Variants in ESRRA observed in about 807,000 individuals in gnomAD.
ESRRA encodes estrogen related receptor alpha, also known as steroid hormone receptor ERR1.
Under a neutral mutation model 35.6 loss-of-function variants are expected in ESRRA, and 7 were observed. The ratio of observed to expected loss-of-function variants is 0.20; its 90% CI spans 0.11 to 0.37. The LOEUF (loss-of-function observed/expected upper bound fraction) is 0.37. Ranked by LOEUF, ESRRA falls within the 10% of genes least tolerant of loss-of-function variation. ESRRA has a pLI of 1.00. For missense variants in ESRRA, 378 were observed against 561.7 expected, an observed-to-expected ratio of 0.67 and a Z score of 3.31; for synonymous variants, 223 against 246.9, an observed-to-expected ratio of 0.90 and a Z score of 0.91.
chr11:64,307,041 C>G (rs1283602209), intron 1 of ESRRA, 127 bp from the exon 2 acceptor site: 13 of 700,920 alleles, frequency 1.9e-5, no homozygotes, highest in African/African-American at 9.0e-5. Context: ...ACTCTGCCCC[C>G]CTTCTTCCCC....
Position 64,314,311 on chromosome 11 carries a change from T to C in ESRRA, c.515T>C (p.Phe172Ser). ...CGGCCGGAGGTGGACCCACTGCCCTTCCCGGGCCCCTTCCCTGCTGGGCCC... is the reference window on the plus strand; with the variant it reads ...CGGCCGGAGGTGGACCCACTGCCCTCCCCGGGCCCCTTCCCTGCTGGGCCC... ...KRRPEVDPLP[F>S]PGPFPAGPLA... The change falls in exon 4 of 7, where the codon TTC (phenylalanine) becomes TCC (serine). Residue 172 changes from phenylalanine (F) to serine (S), a missense_variant. Around this residue, in one of 4 missense-constraint regions of ESRRA, gnomAD observed 284 missense variants for 411.7 expected, o/e 0.69. Coordinates refer to ENST00000000442, the MANE Select transcript of ESRRA (RefSeq NM_004451.5). 6.2e-7 allele frequency: 1 copy of C among 1,609,132 alleles called. No individual in the cohort carries two copies. Among genetic ancestry groups the C allele is most frequent in the South Asian group, 1.1e-5 (1 of 90,210 alleles).
At chr11:64,314,460 CG>C in intron 4 of ESRRA, 93 bp downstream of exon 4, 1 of 1,359,220 alleles carries the variant, frequency 7.4e-7, no homozygotes, top group Non-Finnish European at 9.8e-7. Context: ...ATTTCCCCTT[CG>C]TCTCTTCACT....
chr11:64,307,607 A>G, intron 2 of ESRRA, 103 bp downstream of exon 2: 1 of 872,196 alleles, frequency 1.1e-6, no homozygotes, highest in Non-Finnish European at 1.6e-6. Flanking sequence ...TGAGGCTAAC[A>G]ATCTGGTGTT....
intron 2 of ESRRA, 118 bp downstream of exon 2, chr11:64,307,622 G>C: frequency 5.5e-6 from 4 of 726,874 alleles, no homozygotes; most frequent in Non-Finnish European, 8.3e-6. Flanking sequence ...GGTGTTTCCA[G>C]TCCCTCTACC....
In ESRRA at chr11:64,315,002, C is replaced by T; in HGVS notation, c.744C>T (p.Gly248=). The change falls in exon 6 of 7, where the codon GGC becomes GGT. Residue 248 remains glycine (G), a splice_region_variant and synonymous_variant. Coordinates refer to ENST00000000442, the MANE Select transcript of ESRRA (RefSeq NM_004451.5). The part of the protein sequence containing the change: ...VTISWAKSIP[G]FSSLSLSDQM... ...GGCCCGCTCCCCGCTGCCCCCTAGGCTTCTCATCGCTGTCGCTGTCTGACC... is the reference window on the plus strand; with the variant it reads ...GGCCCGCTCCCCGCTGCCCCCTAGGTTTCTCATCGCTGTCGCTGTCTGACC... The T allele has an allele frequency of 1.3e-6, 2 of 1,590,096 alleles. No individual in the cohort carries two copies. Among genetic ancestry groups the T allele is most frequent in the Non-Finnish European group, 1.7e-6 (2 of 1,167,848 alleles).
chr11:64,316,652 A>T lies in ESRRA; in HGVS notation c.*686A>T. 1.8e-6 allele frequency: 1 copy of T among 570,964 alleles called. No individual in the cohort carries two copies. The highest frequency in any genetic ancestry group is 2.1e-5 in the South Asian group (1 of 46,924). 35.4% of individuals were successfully genotyped at this position (570,964 alleles called of 1,614,324 possible). A position where few individuals can be genotyped will look rare whatever the true frequency, so the allele number is the denominator to read the frequency against. Reference sequence around the variant, plus strand: ...GCCCAGAGCCCTTGGCTGTACAGAGACTCTATTTTAATGTATATTTGCTGC... The same window carrying T: ...GCCCAGAGCCCTTGGCTGTACAGAGTCTCTATTTTAATGTATATTTGCTGC... On this transcript the variant is annotated 3_prime_UTR_variant, in exon 7 of 7. Coordinates refer to ENST00000000442, the MANE Select transcript of ESRRA (RefSeq NM_004451.5).
intron 6 of ESRRA, 92 bp from the exon 7 acceptor site, chr11:64,315,615 T>C (rs1294988810): frequency 6.6e-7 from 1 of 1,514,754 alleles, no homozygotes; most frequent in African/African-American, 1.4e-5. Flanking sequence ...CGTTTGGCTC[T>C]TCCTTAGGCC....
In ESRRA at chr11:64,314,989, G is replaced by A. The variant is rs367606111; in HGVS notation, c.743-12G>A. On this transcript the variant is annotated splice_polypyrimidine_tract_variant and intron_variant, in intron 5 of 6. Transcript: ENST00000000442. ...GCTTGCTCAGCCAGGCCCGCTCCCC[G>A]CTGCCCCCTAGGCTTCTCATCGCTG... The A allele has an allele frequency of 1.9e-6, 3 of 1,585,818 alleles. No individual in the cohort carries two copies. The highest frequency in any genetic ancestry group is 1.3e-5 in the African/African-American group (1 of 74,224).
chr11:64,316,366 T>TG lies in ESRRA; in HGVS notation c.*403dup, dbSNP rs1565378906. ...ATCCTACCCCCTCTTCAAAGCAGAG[T>TG]GGGACTTGGAGAGCAAAGGCCCATG... On this transcript the variant is annotated 3_prime_UTR_variant, in exon 7 of 7. Transcript: ENST00000000442. The TG allele has an allele frequency of 4.9e-6, 1 of 203,414 alleles. No homozygotes were observed. The highest frequency in any genetic ancestry group is 2.3e-5 in the African/African-American group (1 of 42,756). The allele number at this position is 203,414 out of a possible 1,614,324, so 12.6% of individuals were successfully genotyped here.
rs2035199549 is a variant in ESRRA, at chr11:64,314,376, A to C, written c.571+9A>C. ...AGGCCCCCGGAAGACAGGTGAGAGC[A>C]CTGTGGGTACCTGGGGCTACGAAAC... On this transcript the variant is annotated intron_variant, in intron 4 of 6. Coordinates refer to ENST00000000442, the MANE Select transcript of ESRRA (RefSeq NM_004451.5). 1.3e-6 allele frequency: 2 copies of C among 1,557,296 alleles called. No individual in the cohort carries two copies. The highest frequency in any genetic ancestry group is 2.0e-5 in the Admixed American group (1 of 50,850).
In ESRRA at chr11:64,315,999, G is replaced by T; in HGVS notation, c.*33G>T. The stretch of plus-strand genomic sequence containing the variant: ...GGTGGGACTGGTGGGGGTTCTGGCA[G>T]GACCTGCCTAGCATGGGGTCAGCCC... On this transcript the variant is annotated 3_prime_UTR_variant, in exon 7 of 7. Transcript: ENST00000000442. 1 of 1,538,894 alleles carries T rather than the reference G, an allele frequency of 6.5e-7. No homozygotes were observed. Among genetic ancestry groups the T allele is most frequent in the Admixed American group, 1.9e-5 (1 of 52,570 alleles).
intron 3 of ESRRA, 85 bp downstream of exon 3, chr11:64,314,152 G>A (rs2035193387): frequency 6.4e-7 from 1 of 1,556,134 alleles, no homozygotes; most frequent in East Asian, 2.3e-5. Context: ...GTTCTGGTGA[G>A]TGGACTCGGG....
At chr11:64,311,752 G>T (rs1461171777) in intron 2 of ESRRA, among the ~76,000 whole-genome samples, 1 of 151,000 alleles carries the variant, frequency 6.6e-6, no homozygotes, top group African/African-American at 2.4e-5. Context: ...TAGTACAGTG[G>T]CACGATCTCA....
At chr11:64,314,954 G>T (rs1349472634) in intron 5 of ESRRA, 43 bp downstream of exon 5, 1 of 1,601,878 alleles carries the variant, frequency 6.2e-7, no homozygotes, top group African/African-American at 1.3e-5. Context: ...AACGGGCCCG[G>T]CTCTGGTGCG....
At chr11:64,314,656 A>G (rs1591245200) in intron 4 of ESRRA, 85 bp from the exon 5 acceptor site, 3 of 1,377,314 alleles carry the variant, frequency 2.2e-6, no homozygotes, top group Non-Finnish European at 3.0e-6. Flanking sequence ...GGAAGGCCAC[A>G]GGGGGAGCCA....
rs897811404 is a variant in ESRRA at position 64,305,665 on chromosome 11, G to C, written c.-84G>C. On this transcript the variant is annotated 5_prime_UTR_variant, in exon 1 of 7. Transcript: ENST00000000442. This position sits in a 1 kb window ranked among gnomAD's most constrained non-coding sequence, Gnocchi z 5.8. ...GGCGGCGGAGGAGGGGCCGCCCGCG[G>C]CCCCCGGCTCACTCCGGCACTCCGG... The C allele has an allele frequency of 1.3e-5, 2 of 149,186 alleles. No homozygotes were observed. The highest frequency in any genetic ancestry group is 2.4e-5 in the African/African-American group (1 of 40,954). The allele number at this position is 149,186 out of a possible 1,614,324, so 9.2% of individuals were successfully genotyped here. A position where few individuals can be genotyped will look rare whatever the true frequency, so the allele number is the denominator to read the frequency against.
chr11:64,307,157 T>C lies in ESRRA; in HGVS notation c.-12-11T>C. On this transcript the variant is annotated splice_polypyrimidine_tract_variant and intron_variant, in intron 1 of 6. Coordinates refer to ENST00000000442, the MANE Select transcript of ESRRA (RefSeq NM_004451.5). ...GTGCTTTCCTGCGAACCTATGGGTC[T>C]CTCCGTGCAGGTGACCAGCGCCATG... is the stretch of plus-strand genomic sequence containing the variant. 1 of 1,546,462 alleles carries C rather than the reference T, an allele frequency of 6.5e-7. No individual in the cohort carries two copies. The highest frequency in any genetic ancestry group is 8.8e-7 in the Non-Finnish European group (1 of 1,139,598).
At position 64,315,789 on chromosome 11, in the gene ESRRA, C is replaced by T; in HGVS notation, c.1095C>T (p.Gly365=). Reference sequence around the variant, plus strand: ...AGGCCCTGCTGGAGTATGAAGCCGGCCGGGCTGGCCCCGGAGGGGGTGCTG... The same window carrying T: ...AGGCCCTGCTGGAGTATGAAGCCGGTCGGGCTGGCCCCGGAGGGGGTGCTG... The part of the protein sequence containing the change: ...LHEALLEYEA[G]RAGPGGGAER... The change falls in exon 7 of 7, where the codon GGC becomes GGT. Residue 365 remains glycine (G), a synonymous_variant. Transcript: ENST00000000442. The T allele has an allele frequency of 6.2e-7, 1 of 1,613,518 alleles. No individual in the cohort carries two copies. The highest frequency in any genetic ancestry group is 1.1e-5 in the South Asian group (1 of 91,054).
chr11:64,313,959 G>A lies in ESRRA; in HGVS notation c.334G>A (p.Glu112Lys), dbSNP rs368258113. 2.5e-6 allele frequency: 4 copies of A among 1,576,218 alleles called. No individual in the cohort carries two copies. Among genetic ancestry groups the A allele is most frequent in the East Asian group, 2.3e-5 (1 of 43,108 alleles). The change falls in exon 3 of 7, where the codon GAG becomes AAG. Residue 112 changes from glutamate (E) to lysine (K), a missense_variant. Physicochemically the swap from Glu to Lys is moderately conservative, Grantham distance 56 (BLOSUM62 1). This residue lies in a region of ESRRA where 284 missense variants were observed against 411.7 expected (regional missense o/e 0.69). Coordinates refer to ENST00000000442, the MANE Select transcript of ESRRA (RefSeq NM_004451.5). This position sits in a 1 kb window ranked among gnomAD's most constrained non-coding sequence, Gnocchi z 4.0. ...CTGCCTCTTCCTGGCAGGGAGCATC[G>A]AGTACAGCTGTCCGGCCTCCAACGA... ...FFKRTIQGSIEYSCPASNECE... is the reference protein window; with the variant it reads ...FFKRTIQGSIKYSCPASNECE...
Sources: allele counts gnomAD v4.1 joint callset (sites outside exome capture counted in the v4.1 genomes callset), GRCh38; gene constraint gnomAD v4.1.1; regional missense constraint gnomAD v4.1.1; non-coding constraint Gnocchi (gnomAD v3.1); transcripts MANE v1.5; gene names NCBI Gene and HGNC (gene_info 2026-07-23, HGNC 2026-07-21).